Variants in CAPRIN1 observed in about 807,000 individuals in gnomAD.
The protein encoded by CAPRIN1 is caprin-1.
CAPRIN1 carries 29 observed loss-of-function variants against 100.9 expected under a neutral mutation model. That is an observed-to-expected ratio of 0.29 (90% CI 0.21 to 0.39). The LOEUF (loss-of-function observed/expected upper bound fraction) is 0.39. Ranked by LOEUF, CAPRIN1 falls within the 10% of genes least tolerant of loss-of-function variation. The pLI, the probability that CAPRIN1 is intolerant of heterozygous loss-of-function variation, is 1.00. For missense variants in CAPRIN1, 795 were observed against 876.7 expected (o/e 0.91, Z 1.18); for synonymous variants, 338 against 307.5 (o/e 1.10, Z -1.04).
intron 6 of CAPRIN1, among the ~76,000 whole-genome samples, chr11:34,078,305 A>G (rs1403293826): frequency 6.6e-6 from 1 of 152,134 alleles, no homozygotes; most frequent in African/African-American, 2.4e-5. Context: ...ATGGTCCTCA[A>G]AGTTTTATTT....
Position 34,090,217 on chromosome 11 carries a change from A to T in CAPRIN1, c.1332A>T (p.Ala444=). 6.2e-7 allele frequency: 1 copy of T among 1,613,884 alleles called. No individual in the cohort carries two copies. Among genetic ancestry groups the T allele is most frequent in the Non-Finnish European group, 8.5e-7 (1 of 1,179,796 alleles). The part of the protein sequence containing the change: ...LVSSTSEGYT[A]SQPLYQPSHA... ...CATCCACAAGTGAGGGGTACACAGC[A>T]TCTCAACCCTTGTACCAGCCTTCTC... is the stretch of plus-strand genomic sequence containing the variant. Residue 444 remains alanine (A), a synonymous_variant, in exon 13 of 19, where the codon GCA becomes GCT. Transcript: ENST00000341394.
intron 9 of CAPRIN1, among the ~76,000 whole-genome samples, chr11:34,084,134 A>C (rs1177718446): frequency 6.6e-6 from 1 of 151,606 alleles, no homozygotes; most frequent in Non-Finnish European, 1.5e-5. Context: ...ACTCTTGCCC[A>C]GTAGAGATGG....
chr11:34,101,059 C>T lies in CAPRIN1; in HGVS notation c.*1692C>T, dbSNP rs1851446892. ...TTTGTAACCTACCAAAATGGATAGG[C>T]TGTTGAACATTCCACATTCAAAAGT... On this transcript the variant is annotated 3_prime_UTR_variant, in exon 19 of 19. Coordinates refer to ENST00000341394, the MANE Select transcript of CAPRIN1 (RefSeq NM_005898.5). 5 of 152,536 alleles carry T rather than the reference C, an allele frequency of 3.3e-5. No individual in the cohort carries two copies. Among genetic ancestry groups the T allele is most frequent in the Admixed American group, 2.6e-4 (4 of 15,270 alleles). The allele number at this position is 152,536 out of a possible 1,614,324, so 9.4% of individuals were successfully genotyped here. A position where few individuals can be genotyped will look rare whatever the true frequency, so the allele number is the denominator to read the frequency against.
chr11:34,061,180 A>G (rs1445170123), intron 2 of CAPRIN1, among the ~76,000 whole-genome samples: 7 of 148,734 alleles, frequency 4.7e-5, no homozygotes, highest in African/African-American at 1.5e-4. Flanking sequence ...TTATCTTACA[A>G]TGGAACCTTA....
At chr11:34,074,781 A>T (rs1045712376) in intron 4 of CAPRIN1, among the ~76,000 whole-genome samples, 1 of 152,220 alleles carries the variant, frequency 6.6e-6, no homozygotes, top group Non-Finnish European at 1.5e-5. Flanking sequence ...AGGCTGAGGC[A>T]GCAGAATTAC....
rs185599269 is a variant in CAPRIN1, at chr11:34,054,030, G to C, written c.216+1394G>C. 2.6e-5 allele frequency among the ~76,000 whole-genome samples: 4 copies of C among 152,338 alleles called. 1 individual carries two copies. Among genetic ancestry groups the C allele is most frequent in the Admixed American group, 2.6e-4 (4 of 15,304 alleles). ...ACCTAATAGTGTTACTTGAGGTGCT[G>C]ATATAGTAACTGGCTAAAACTTGGG... On this transcript the variant is annotated intron_variant, in intron 2 of 18. Coordinates refer to ENST00000341394, the MANE Select transcript of CAPRIN1 (RefSeq NM_005898.5).
rs771719841 is a variant in CAPRIN1, at chr11:34,086,026, C to G, written c.967-38C>G. Reference sequence around the variant, plus strand: ...GGTGGTAGTGAGTGGAGCTTTTTTGCTCTCCTATTCCTTCTAATCCTTTTT... The same window carrying G: ...GGTGGTAGTGAGTGGAGCTTTTTTGGTCTCCTATTCCTTCTAATCCTTTTT... On this transcript the variant is annotated intron_variant, in intron 9 of 18. Transcript: ENST00000341394. 7 of 1,585,804 alleles carry G rather than the reference C, an allele frequency of 4.4e-6. No individual in the cohort carries two copies. In the East Asian group the frequency reaches 1.1e-4, roughly 25 times the overall value.
At chr11:34,056,807 C>G (rs1850461550) in intron 2 of CAPRIN1, among the ~76,000 whole-genome samples, 2 of 152,168 alleles carry the variant, frequency 1.3e-5, no homozygotes, top group Admixed American at 1.3e-4. Flanking sequence ...ACTCTAGTGA[C>G]TTTGGTAGGT....
intron 15 of CAPRIN1, chr11:34,095,739 T>C (rs953489502): frequency 1.3e-5 from 2 of 152,224 alleles, no homozygotes; most frequent in African/African-American, 4.8e-5. Context: ...TGTTCTGTAG[T>C]ATTGAATTTT....
chr11:34,093,275 C>CT (rs769450921), intron 15 of CAPRIN1, among the ~76,000 whole-genome samples: 43 of 151,530 alleles, frequency 2.8e-4, no homozygotes, highest in Admixed American at 1.2e-3. Context: ...ATACTGGAGC[C>CT]TTTAACTCTG....
At chr11:34,081,638 T>C (rs531256596) in intron 7 of CAPRIN1, among the ~76,000 whole-genome samples, 2 of 151,826 alleles carry the variant, frequency 1.3e-5, no homozygotes, top group South Asian at 4.2e-4. Context: ...GGATTACAGG[T>C]GCATGGCACC....
At chr11:34,079,525 A>C in intron 6 of CAPRIN1, 103 bp from the exon 7 acceptor site, 1 of 879,310 alleles carries the variant, frequency 1.1e-6, no homozygotes, top group Non-Finnish European at 1.8e-6. Flanking sequence ...GTGTTTTAGT[A>C]ACAGTTATTT....
chr11:34,082,422 G>A lies in CAPRIN1; in HGVS notation c.827-403G>A, dbSNP rs1851051501. 3.3e-5 allele frequency among the ~76,000 whole-genome samples: 5 copies of A among 152,166 alleles called. No homozygotes were observed. The South Asian group carries it at 1.0e-3, about 32-fold the overall frequency. ...TAGGTTGGTCTCGAACTCCTGACCT[G>A]AGGTGATCCACCTGTCTTGGCCTTC... On this transcript the variant is annotated intron_variant, in intron 7 of 18. Coordinates refer to ENST00000341394, the MANE Select transcript of CAPRIN1 (RefSeq NM_005898.5).
chr11:34,058,199 C>G (rs1249210198), intron 2 of CAPRIN1, among the ~76,000 whole-genome samples: 1 of 151,980 alleles, frequency 6.6e-6, no homozygotes, highest in East Asian at 1.9e-4. Flanking sequence ...TGCAGTGGTG[C>G]AATCTCAGCT....
chr11:34,069,182 C>A (rs7127581), intron 2 of CAPRIN1, among the ~76,000 whole-genome samples: 1 of 146,084 alleles, frequency 6.8e-6, no homozygotes, highest in Non-Finnish European at 1.5e-5. Context: ...GATGGAGTCT[C>A]GCTTTGTCCC....
chr11:34,071,948 A>C lies in CAPRIN1; in HGVS notation c.327A>C (p.Ala109=). 6.2e-7 allele frequency: 1 copy of C among 1,613,406 alleles called. No individual in the cohort carries two copies. Among genetic ancestry groups the C allele is most frequent in the African/African-American group, 1.3e-5 (1 of 75,026 alleles). Reference sequence around the variant, plus strand: ...AAGTCACAAATAATTTGGAGTTTGCAAAAGAATTACAGAGGAGTTTCATGG... The same window carrying C: ...AAGTCACAAATAATTTGGAGTTTGCCAAAGAATTACAGAGGAGTTTCATGG... ...YQEVTNNLEF[A]KELQRSFMAL... Residue 109 remains alanine, a synonymous_variant, in exon 4 of 19, where the codon GCA becomes GCC. Transcript: ENST00000341394.
chr11:34,052,345 C>A, intron 1 of CAPRIN1, 76 bp from the exon 2 acceptor site: 2 of 1,205,900 alleles, frequency 1.7e-6, no homozygotes, highest in Non-Finnish European at 2.4e-6. Context: ...TGTCCCGCGT[C>A]TCGCCCCGTC....
At chr11:34,067,559 C>T (rs1218104642) in intron 2 of CAPRIN1, among the ~76,000 whole-genome samples, 2 of 151,614 alleles carry the variant, frequency 1.3e-5, no homozygotes, top group East Asian at 1.9e-4. Context: ...GGAGAGCAGT[C>T]GTGCACATCA....
intron 11 of CAPRIN1, among the ~76,000 whole-genome samples, chr11:34,086,838 A>G (rs546002612): frequency 6.6e-6 from 1 of 152,342 alleles, no homozygotes; most frequent in Non-Finnish European, 1.5e-5. Context: ...TTAACAAGTG[A>G]AATTTTGCTT....
Sources: gnomAD v4.1 joint callset for allele counts (sites outside exome capture counted in the v4.1 genomes callset) on GRCh38, gnomAD v4.1.1 for gene constraint, MANE v1.5 for transcripts, NCBI Gene and HGNC (gene_info 2026-07-23, HGNC 2026-07-21) for gene names.